Variants in ADCY10 observed in about 807,000 individuals in gnomAD.
The protein encoded by ADCY10 is adenylate cyclase type 10.
Under a neutral mutation model 183.3 loss-of-function variants are expected in ADCY10, and 156 were observed. That is an observed-to-expected ratio of 0.85 (90% CI 0.75 to 0.97). The LOEUF is 0.97. ADCY10 is among the 50% of genes least tolerant of loss of function. ADCY10 has a pLI of 0.00. For synonymous variants in ADCY10, 645 were observed against 670.0 expected, an observed-to-expected ratio of 0.96 and a Z score of 0.58; for missense variants, 1,745 against 1,934.3, an observed-to-expected ratio of 0.90 and a Z score of 1.84.
Position 167,860,992 on chromosome 1 carries a change from T to C in ADCY10, c.1688A>G (p.Asn563Ser), listed in dbSNP as rs2102049715. 6.2e-7 allele frequency: 1 copy of C among 1,614,166 alleles called. No individual in the cohort carries two copies. Among genetic ancestry groups the C allele is most frequent in the Non-Finnish European group, 8.5e-7 (1 of 1,179,996 alleles). The change falls in exon 15 of 33, where the codon AAT becomes AGT. Residue 563 changes from asparagine to serine, a missense_variant. Coordinates refer to ENST00000367851, the MANE Select transcript of ADCY10 (RefSeq NM_018417.6). Reference sequence around the variant, plus strand: ...TTTACAAGTGTCTAGGCCTAGGACATTGGCCATGAACATCTGGATGGTATA... The same window carrying C: ...TTTACAAGTGTCTAGGCCTAGGACACTGGCCATGAACATCTGGATGGTATA... The part of the protein sequence containing the change: ...TFYTIQMFMA[N>S]VLGLDTCKHY...
chr1:167,874,714 C>G (rs1399800423), intron 13 of ADCY10, among the ~76,000 whole-genome samples: 2 of 152,026 alleles, frequency 1.3e-5, no homozygotes, highest in African/African-American at 4.8e-5. Flanking sequence ...GGAAATAACC[C>G]AAATGTTGCA....
chr1:167,849,606 A>G (rs1179343381), intron 18 of ADCY10, among the ~76,000 whole-genome samples: 1 of 152,270 alleles, frequency 6.6e-6, no homozygotes, highest in East Asian at 1.9e-4. Context: ...TATCAATGTG[A>G]ATAACACATG....
Position 167,904,237 on chromosome 1 carries a change from G to A in ADCY10, c.149-246C>T, listed in dbSNP as rs370394450. 9.9e-4 allele frequency among the ~76,000 whole-genome samples: 151 copies of A among 152,052 alleles called. 1 individual carries two copies. In the South Asian group the frequency reaches 0.025, roughly 25 times the overall value. ...CGAGCAGCTGGGACTATAAGCGTGC[G>A]CCACCATGCCAGGCTCGTTTTTGTA... On this transcript the variant is annotated intron_variant, in intron 2 of 32. Coordinates refer to ENST00000367851, the MANE Select transcript of ADCY10 (RefSeq NM_018417.6).
In ADCY10 at chr1:167,875,135, C is replaced by G; in HGVS notation, c.1458G>C (p.Leu486Phe). Reference sequence around the variant, plus strand: ...AAATCAAGGCCTACTACCTACCCAGCAAAGGGTAATCCTCCTTTCTGTTGC... The same window carrying G: ...AAATCAAGGCCTACTACCTACCCAGGAAAGGGTAATCCTCCTTTCTGTTGC... Reference protein sequence around the residue: ...LICNRKEDYPLLGRNKEINYF... With the variant: ...LICNRKEDYPFLGRNKEINYF... Residue 486 changes from leucine (L) to phenylalanine (F), a missense_variant, in exon 13 of 33, where the codon TTG (leucine) becomes TTC (phenylalanine). Leu to Phe is a conservative substitution (Grantham distance 22). Coordinates refer to ENST00000367851, the MANE Select transcript of ADCY10 (RefSeq NM_018417.6). 6.2e-7 allele frequency: 1 copy of G among 1,613,924 alleles called. No individual in the cohort carries two copies. The highest frequency in any genetic ancestry group is 8.5e-7 in the Non-Finnish European group (1 of 1,179,792).
intron 11 of ADCY10, 38 bp downstream of exon 11, chr1:167,880,074 GTTT>G: frequency 6.4e-7 from 1 of 1,560,804 alleles, no homozygotes; most frequent in South Asian, 1.1e-5. Flanking sequence ...AAGGTGCTGT[GTTT>G]GCAGAAAGAA....
intron 31 of ADCY10, among the ~76,000 whole-genome samples, chr1:167,814,892 G>A (rs958177259): frequency 8.5e-5 from 13 of 152,162 alleles, no homozygotes; most frequent in African/African-American, 2.2e-4. Flanking sequence ...TTGGGAGGCC[G>A]AGGTGGTCGG....
chr1:167,833,973 A>T lies in ADCY10; in HGVS notation c.3414T>A (p.Gly1138=). ...FESATFYSLK[G]EVCFNMGQIV... is the part of the protein sequence containing the mutation. Reference sequence around the variant, plus strand: ...CAAGTCTTTAATGGTTTCTTACCTCACCTTTGAGGCTGTAAAAGGTGGCAG... The same window carrying T: ...CAAGTCTTTAATGGTTTCTTACCTCTCCTTTGAGGCTGTAAAAGGTGGCAG... Residue 1138 remains glycine (G), a synonymous_variant, in exon 24 of 33, where the codon GGT becomes GGA. Coordinates refer to ENST00000367851, the MANE Select transcript of ADCY10 (RefSeq NM_018417.6). The T allele has an allele frequency of 6.2e-7, 1 of 1,613,284 alleles. No individual in the cohort carries two copies. The highest frequency in any genetic ancestry group is 8.5e-7 in the Non-Finnish European group (1 of 1,179,308).
chr1:167,824,822 G>A lies in ADCY10; in HGVS notation c.3784C>T (p.His1262Tyr). The A allele has an allele frequency of 3.7e-6, 6 of 1,614,232 alleles. No individual in the cohort carries two copies. Among genetic ancestry groups the A allele is most frequent in the Non-Finnish European group, 5.1e-6 (6 of 1,180,040 alleles). Residue 1262 changes from histidine (H) to tyrosine (Y), a missense_variant, in exon 27 of 33, where the codon CAC becomes TAC. His to Tyr is a moderately conservative substitution (Grantham distance 83). Coordinates refer to ENST00000367851, the MANE Select transcript of ADCY10 (RefSeq NM_018417.6). ...ACACCTTTGTAGCCAGCCAGGTGGT[G>A]GTATAGCGAATAGTCTAGGTAAGCC... ...IKAYLDYSLYHHLAGYKGVWF... is the reference protein window; with the variant it reads ...IKAYLDYSLYYHLAGYKGVWF...
chr1:167,852,652 G>T (rs914682477), intron 18 of ADCY10, among the ~76,000 whole-genome samples: 3 of 151,600 alleles, frequency 2.0e-5, no homozygotes, highest in Non-Finnish European at 4.4e-5. Context: ...TCTATTTAAT[G>T]ATCCACTATC....
intron 30 of ADCY10, among the ~76,000 whole-genome samples, chr1:167,818,587 G>T (rs897078560): frequency 2.0e-5 from 3 of 152,080 alleles, no homozygotes; most frequent in Non-Finnish European, 4.4e-5. Context: ...CCCCAGTCTG[G>T]AGTGCAATGG....
At position 167,823,122 on chromosome 1, in the gene ADCY10, A is replaced by G; in HGVS notation, c.4054T>C (p.Tyr1352His). Residue 1352 changes from tyrosine (Y) to histidine (H), a missense_variant and splice_region_variant, in exon 29 of 33, where the codon TAC becomes CAC. Tyr to His is a moderately conservative substitution (Grantham distance 83). Transcript: ENST00000367851. ...CCCAGCACCTGGATCAATTGCGGGT[A>G]TCTATGGAAAAGAAAAGGTAGTGGC... ...LSRCLLLNSRYPQLIQVLGRL... is the reference protein window; with the variant it reads ...LSRCLLLNSRHPQLIQVLGRL... 1 of 1,613,814 alleles carries G rather than the reference A, an allele frequency of 6.2e-7. No individual in the cohort carries two copies. Among genetic ancestry groups the G allele is most frequent in the Non-Finnish European group, 8.5e-7 (1 of 1,179,686 alleles).
At chr1:167,898,670 G>A (rs2102400250) in intron 6 of ADCY10, among the ~76,000 whole-genome samples, 1 of 152,218 alleles carries the variant, frequency 6.6e-6, no homozygotes, top group East Asian at 1.9e-4. Flanking sequence ...AGGCCATGCA[G>A]GCTGGATATG....
rs376030134 is a variant in ADCY10, at chr1:167,846,263, T to A, written c.2438A>T (p.Glu813Val). 3 of 1,614,056 alleles carry A rather than the reference T, an allele frequency of 1.9e-6. No individual in the cohort carries two copies. In the African/African-American group the frequency reaches 4.0e-5, roughly 22 times the overall value. ...KNLSPPTSLKEISLIQLDSMR... is the reference protein window; with the variant it reads ...KNLSPPTSLKVISLIQLDSMR... ...GCTATCCAGCTGGATCAGAGAGATT[T>A]CTGCAGGTAGAAGGCCACACAGTAG... Residue 813 changes from glutamate (E) to valine (V), a missense_variant and splice_region_variant, in exon 20 of 33, where the codon GAA (glutamate) becomes GTA (valine). By Grantham distance (121) the Glu-to-Val change is moderately radical. Transcript: ENST00000367851.
chr1:167,845,803 A>G lies in ADCY10; in HGVS notation c.2767T>C (p.Cys923Arg), dbSNP rs774936930. The G allele has an allele frequency of 6.2e-7, 1 of 1,614,128 alleles. No homozygotes were observed. The highest frequency in any genetic ancestry group is 8.5e-7 in the Non-Finnish European group (1 of 1,180,020). The change falls in exon 21 of 33, where the codon TGC becomes CGC. Residue 923 changes from cysteine to arginine, a missense_variant. Physicochemically the swap from Cys to Arg is radical, Grantham distance 180. Coordinates refer to ENST00000367851, the MANE Select transcript of ADCY10 (RefSeq NM_018417.6). Reference sequence around the variant, plus strand: ...GGGTTACAGAATCGAATCCTGTGGCACTCGATCACCTCATTCTCCAGTTCA... The same window carrying G: ...GGGTTACAGAATCGAATCCTGTGGCGCTCGATCACCTCATTCTCCAGTTCA... ...LRELENEVIE[C>R]HRIRFCNPMM...
At chr1:167,906,708 G>C (rs1437990465) in intron 1 of ADCY10, among the ~76,000 whole-genome samples, 1 of 152,020 alleles carries the variant, frequency 6.6e-6, no homozygotes, top group African/African-American at 2.4e-5. Context: ...AGGATGGCTT[G>C]AGCCCAGGAG....
chr1:167,839,748 G>C (rs547223680), intron 21 of ADCY10, among the ~76,000 whole-genome samples: 28 of 152,194 alleles, frequency 1.8e-4, no homozygotes, highest in South Asian at 8.3e-4. Flanking sequence ...AATAAAAATT[G>C]ATAATAAATG....
At chr1:167,812,096 G>C (rs1487177221) in intron 31 of ADCY10, among the ~76,000 whole-genome samples, 2 of 152,178 alleles carry the variant, frequency 1.3e-5, no homozygotes, top group Non-Finnish European at 2.9e-5. Flanking sequence ...CGTACAACTT[G>C]TGGGAACAAG....
Position 167,848,653 on chromosome 1 carries a change from T to C in ADCY10, c.2309-164A>G, listed in dbSNP as rs561199945. On this transcript the variant is annotated intron_variant, in intron 18 of 32. Transcript: ENST00000367851. ...ACCTTTTTTTTGTTTTGTTTTGTTT[T>C]GTTTTTTGTTTTTTTGAGGTGGAGT... 7.9e-5 allele frequency among the ~76,000 whole-genome samples: 12 copies of C among 151,972 alleles called. No individual in the cohort carries two copies. The South Asian group carries it at 2.5e-3, about 32-fold the overall frequency.
chr1:167,870,945 A>G (rs546263365), intron 13 of ADCY10, among the ~76,000 whole-genome samples: 11 of 152,256 alleles, frequency 7.2e-5, no homozygotes, highest in African/African-American at 2.2e-4. Flanking sequence ...ATTTGATTAG[A>G]AGCTGTGAGA....
Sources: gnomAD v4.1 joint callset for allele counts (sites outside exome capture counted in the v4.1 genomes callset) on GRCh38, gnomAD v4.1.1 for gene constraint, MANE v1.5 for transcripts, NCBI Gene and HGNC (gene_info 2026-07-23, HGNC 2026-07-21) for gene names.